Variants in WASF3 observed in about 807,000 individuals in gnomAD.
WASF3 encodes WASP family member 3.
In WASF3, 11 loss-of-function variants were observed where a neutral mutation model predicts 46.6. The ratio of observed to expected loss-of-function variants is 0.24; its 90% CI spans 0.15 to 0.39. The LOEUF is 0.39. Ranked by LOEUF, WASF3 falls within the 10% of genes least tolerant of loss-of-function variation. The pLI, the probability that WASF3 is intolerant of heterozygous loss-of-function variation, is 1.00. For missense variants in WASF3, 576 were observed against 669.8 expected (o/e 0.86, Z 1.55); for synonymous variants, 242 against 259.7 (o/e 0.93, Z 0.65).
intron 2 of WASF3, among the ~76,000 whole-genome samples, chr13:26,621,936 A>C (rs1015876119): frequency 3.9e-5 from 6 of 152,086 alleles, no homozygotes; most frequent in African/African-American, 1.2e-4. Context: ...GGCCACACTG[A>C]GGGGAAAGGT....
intron 1 of WASF3, among the ~76,000 whole-genome samples, chr13:26,559,826 T>TCTTTCTCTCTTTCTTTCTTTCTTTC (rs1240300106): frequency 7.7e-6 from 1 of 129,398 alleles, no homozygotes; most frequent in South Asian, 2.8e-4. Context: ...TTTTTTTTTT[T>TCTTTCTCTCTTTCTTTCTTTCTTTC]TTTTTTTTGA....
chr13:26,601,318 C>A (rs1880635701), intron 1 of WASF3, among the ~76,000 whole-genome samples: 1 of 152,162 alleles, frequency 6.6e-6, no homozygotes, highest in African/African-American at 2.4e-5. Flanking sequence ...TTGACTGTCT[C>A]TGTGTATAGG....
intron 1 of WASF3, chr13:26,577,589 A>AAT: frequency 8.9e-7 from 1 of 1,124,738 alleles, no homozygotes; most frequent in Non-Finnish European, 1.3e-6. Flanking sequence ...TGGTGAAGGC[A>AAT]GTAGTTCTGG....
At chr13:26,553,364 T>A (rs938051389), upstream of WASF3, among the ~76,000 whole-genome samples, 1 of 152,032 alleles carries the variant, frequency 6.6e-6, no homozygotes, top group Admixed American at 6.6e-5. Context: ...TCTGGAGGAG[T>A]TACAGGTATC....
chr13:26,561,314 G>T (rs1389192755), intron 1 of WASF3, among the ~76,000 whole-genome samples: 1 of 152,112 alleles, frequency 6.6e-6, no homozygotes, highest in African/African-American at 2.4e-5. Context: ...GCTGGGATTT[G>T]GTCATTGGCC....
intron 1 of WASF3, among the ~76,000 whole-genome samples, chr13:26,593,709 G>C (rs1417216967): frequency 1.3e-5 from 2 of 152,134 alleles, no homozygotes; most frequent in African/African-American, 4.8e-5. Flanking sequence ...TCAGCACTTA[G>C]GTACTAGCAT....
At chr13:26,593,832 T>G (rs1880375705) in intron 1 of WASF3, among the ~76,000 whole-genome samples, 1 of 152,226 alleles carries the variant, frequency 6.6e-6, no homozygotes, top group Non-Finnish European at 1.5e-5. Context: ...TTAACAAGTC[T>G]TCTAAAATAC....
rs200829897 is a variant in WASF3, at chr13:26,676,656, C to T, written c.648C>T (p.Pro216=). 181 of 1,614,140 alleles carry T rather than the reference C, an allele frequency of 1.1e-4. 1 individual carries two copies. In the East Asian group the frequency reaches 3.7e-3, roughly 33 times the overall value. Residue 216 remains proline, a synonymous_variant, in exon 7 of 10, where the codon CCC becomes CCT. Transcript: ENST00000335327. The part of the protein sequence containing the change: ...NMMAYDKELR[P]DNRLSQSVYH... ...TGGCATATGACAAAGAGCTTAGACC[C>T]GACAACAGGTTGTCTCAGAGTGTGT...
chr13:26,681,028 T>C, intron 7 of WASF3, 26 bp from the exon 8 acceptor site: 1 of 1,578,160 alleles, frequency 6.3e-7, no homozygotes, highest in South Asian at 1.1e-5. Flanking sequence ...TTTAAATTTC[T>C]CCCACCTCTT....
intron 3 of WASF3, among the ~76,000 whole-genome samples, chr13:26,652,698 T>C (rs1336858240): frequency 2.6e-5 from 4 of 152,108 alleles, no homozygotes; most frequent in African/African-American, 7.2e-5. Flanking sequence ...TGCTCAAATA[T>C]TGGAAAATCA....
Position 26,686,439 on chromosome 13 carries a change from G to C in WASF3, c.*594G>C, listed in dbSNP as rs903682398. 1 of 152,224 alleles carries C rather than the reference G, an allele frequency of 6.6e-6. No homozygotes were observed. Among genetic ancestry groups the C allele is most frequent in the African/African-American group, 2.4e-5 (1 of 41,432 alleles). 9.4% of individuals were successfully genotyped at this position (152,224 alleles called of 1,614,324 possible). Reference sequence around the variant, plus strand: ...TCTGCTGAATAATTTCATTACCTCTGCACATGCCTGTCAAATATGAAATTG... The same window carrying C: ...TCTGCTGAATAATTTCATTACCTCTCCACATGCCTGTCAAATATGAAATTG... On this transcript the variant is annotated 3_prime_UTR_variant, in exon 10 of 10. Coordinates refer to ENST00000335327, the MANE Select transcript of WASF3 (RefSeq NM_006646.6).
chr13:26,573,120 G>C (rs1879689479), intron 1 of WASF3, among the ~76,000 whole-genome samples: 1 of 152,090 alleles, frequency 6.6e-6, no homozygotes. Context: ...TTGGGGGAGG[G>C]TAGTTTGATA....
intron 7 of WASF3, among the ~76,000 whole-genome samples, chr13:26,677,375 C>T (rs1435774612): frequency 1.3e-5 from 2 of 152,160 alleles, no homozygotes; most frequent in African/African-American, 4.8e-5. Flanking sequence ...TCAATTTTAA[C>T]GTTTGATTCA....
At chr13:26,608,178 C>G (rs753457884) in intron 1 of WASF3, among the ~76,000 whole-genome samples, 8 of 152,146 alleles carry the variant, frequency 5.3e-5, no homozygotes, top group Non-Finnish European at 1.0e-4. Flanking sequence ...GTATGGGCCA[C>G]TCATGGATCT....
intron 1 of WASF3, among the ~76,000 whole-genome samples, chr13:26,597,051 T>A (rs1256153187): frequency 3.3e-5 from 5 of 152,234 alleles, no homozygotes; most frequent in Admixed American, 3.3e-4. Context: ...GGTTGCAACA[T>A]CAGGATCATA....
At chr13:26,580,859 A>T (rs534343742) in intron 1 of WASF3, among the ~76,000 whole-genome samples, 1 of 151,494 alleles carries the variant, frequency 6.6e-6, no homozygotes, top group South Asian at 2.1e-4. Context: ...TCCCGACCTC[A>T]GGTGATCTGC....
chr13:26,588,620 C>G (rs9553869), intron 1 of WASF3, among the ~76,000 whole-genome samples: 42,364 of 151,960 alleles, frequency 0.28, 6,360 homozygotes, highest in East Asian at 0.58. Flanking sequence ...CTAATTTGAT[C>G]TTGTCGAACG....
intron 2 of WASF3, among the ~76,000 whole-genome samples, chr13:26,622,026 G>T (rs1249375242): frequency 6.6e-6 from 1 of 152,100 alleles, no homozygotes; most frequent in African/African-American, 2.4e-5. Flanking sequence ...CTTTCATTCC[G>T]AGGGCAAAAC....
the WASF3 span, among the ~76,000 whole-genome samples, chr13:26,540,435 C>T: frequency 6.6e-6 from 1 of 152,192 alleles, no homozygotes; most frequent in Non-Finnish European, 1.5e-5. Context: ...TCCTGGCAAC[C>T]TCGAGCATTG....
Sources: gnomAD v4.1 joint callset for allele counts (sites outside exome capture counted in the v4.1 genomes callset) on GRCh38, gnomAD v4.1.1 for gene constraint, MANE v1.5 for transcripts, NCBI Gene and HGNC (gene_info 2026-07-23, HGNC 2026-07-21) for gene names.